Variants in ZFPM1 observed in about 807,000 individuals in gnomAD.
ZFPM1 encodes zinc finger protein, FOG family member 1, also known as zinc finger protein ZFPM1.
A neutral mutation model predicts 46.3 loss-of-function variants in ZFPM1; 28 were observed. The observed-to-expected ratio is 0.60, with a 90% CI of 0.45 to 0.83. The LOEUF is 0.83. Among genes scored for constraint, ZFPM1 ranks in the 40% least tolerant of loss-of-function variants. ZFPM1 has a pLI of 0.00. For synonymous variants in ZFPM1, 957 were observed against 675.9 expected (o/e 1.42, Z -6.45); for missense variants, 1,878 against 1,432.4 (o/e 1.31, Z -5.02).
At chr16:88,496,654 A>G (rs1285121912) in intron 3 of ZFPM1, among the ~76,000 whole-genome samples, 1 of 151,552 alleles carries the variant, frequency 6.6e-6, no homozygotes, top group African/African-American at 2.4e-5. Context: ...GCCACAGGGG[A>G]GAGAAAGCAA....
chr16:88,460,926 GCGGGA>G (rs1297210088), intron 1 of ZFPM1, among the ~76,000 whole-genome samples: 10 of 78,442 alleles, frequency 1.3e-4, no homozygotes, highest in Admixed American at 3.8e-4. Flanking sequence ...GAGGGGCGGG[GCGGGA>G]GGCCTGGTGA....
chr16:88,464,722 C>G (rs1908055652), intron 1 of ZFPM1, among the ~76,000 whole-genome samples: 1 of 152,288 alleles, frequency 6.6e-6, no homozygotes. Context: ...CCTGCACTGT[C>G]TCCTGGTCCG....
chr16:88,460,396 C>T (rs547029780), intron 1 of ZFPM1, among the ~76,000 whole-genome samples: 1 of 152,230 alleles, frequency 6.6e-6, no homozygotes, highest in Admixed American at 6.5e-5. Flanking sequence ...CTTTCTGGGC[C>T]CAGGCAGTGT....
At chr16:88,509,048 C>G (rs1356308294) in intron 3 of ZFPM1, among the ~76,000 whole-genome samples, 2 of 152,132 alleles carry the variant, frequency 1.3e-5, no homozygotes, top group Non-Finnish European at 2.9e-5. Flanking sequence ...CCTGGGGAGC[C>G]GCTCGCCCCT....
At position 88,534,147 on chromosome 16, in the gene ZFPM1, C is replaced by G. The variant is rs1913062689; in HGVS notation, c.2189C>G (p.Pro730Arg). ...PPGPPGPAAP[P>R]APSPAAPVRT... ...GGACCCCCTGGGCCGGCCGCGCCCCCGGCCCCCTCTCCCGCCGCGCCTGTG... is the reference window on the plus strand; with the variant it reads ...GGACCCCCTGGGCCGGCCGCGCCCCGGGCCCCCTCTCCCGCCGCGCCTGTG... The change falls in exon 10 of 10, where the codon CCG becomes CGG. Residue 730 changes from proline (P) to arginine (R), a missense_variant. Coordinates refer to ENST00000319555, the MANE Select transcript of ZFPM1 (RefSeq NM_153813.3). 5.0e-6 allele frequency: 5 copies of G among 1,006,746 alleles called. No homozygotes were observed. Among genetic ancestry groups the G allele is most frequent in the Non-Finnish European group, 4.7e-6 (4 of 847,164 alleles). The allele number at this position is 1,006,746 out of a possible 1,614,324, so 62.4% of individuals were successfully genotyped here. A position where few individuals can be genotyped will look rare whatever the true frequency, so the allele number is the denominator to read the frequency against.
chr16:88,489,062 C>A lies in ZFPM1; in HGVS notation c.177C>A (p.Pro59=), dbSNP rs142959423. The A allele has an allele frequency of 2.2e-4, 361 of 1,613,186 alleles. No homozygotes were observed. The African/African-American group carries it at 4.2e-3, about 19-fold the overall frequency. ...DVNSPPPLPP[P]TSPGGPKELE... ...ACTCACCCCCACCGCTGCCGCCCCCCACATCCCCAGGAGGCCCCAAGGAGC... is the reference window on the plus strand; with the variant it reads ...ACTCACCCCCACCGCTGCCGCCCCCAACATCCCCAGGAGGCCCCAAGGAGC... The change falls in exon 3 of 10, where the codon CCC becomes CCA. Residue 59 remains proline (P), a synonymous_variant. Transcript: ENST00000319555.
intron 4 of ZFPM1, among the ~76,000 whole-genome samples, chr16:88,524,177 C>G (rs933898162): frequency 2.0e-5 from 3 of 152,250 alleles, no homozygotes; most frequent in East Asian, 1.9e-4. Context: ...TCACCCTCCT[C>G]TGCTCATTAA....
chr16:88,457,203 G>C (rs1310841576), intron 1 of ZFPM1, among the ~76,000 whole-genome samples: 1 of 152,232 alleles, frequency 6.6e-6, no homozygotes, highest in African/African-American at 2.4e-5. Context: ...TGGTTTCTGT[G>C]ATGTGTTATG....
In ZFPM1 at chr16:88,465,756, G is replaced by C. The variant is rs77577699; in HGVS notation, c.40+12078G>C. On this transcript the variant is annotated intron_variant, in intron 1 of 9. Coordinates refer to ENST00000319555, the MANE Select transcript of ZFPM1 (RefSeq NM_153813.3). Reference sequence around the variant, plus strand: ...CTGCTGCACCTGACAGCTGCGCCCAGATGGGACTCAGGTGCCATCGCGGCG... The same window carrying C: ...CTGCTGCACCTGACAGCTGCGCCCACATGGGACTCAGGTGCCATCGCGGCG... 4.7e-3 allele frequency among the ~76,000 whole-genome samples: 717 copies of C among 152,350 alleles called. 6 individuals carry two copies. The highest frequency in any genetic ancestry group is 0.016 in the African/African-American group (672 of 41,568).
At chr16:88,502,232 C>T (rs893803341) in intron 3 of ZFPM1, among the ~76,000 whole-genome samples, 1 of 152,062 alleles carries the variant, frequency 6.6e-6, no homozygotes. Context: ...GCCATCGGCT[C>T]GAGGGCTGGT....
intron 4 of ZFPM1, among the ~76,000 whole-genome samples, chr16:88,517,033 C>T (rs578166808): frequency 6.6e-5 from 10 of 152,294 alleles, no homozygotes; most frequent in South Asian, 4.1e-4. Flanking sequence ...TGGGGCAGGT[C>T]GCTTCCCTGA....
Position 88,534,206 on chromosome 16 carries a change from C to T in ZFPM1, c.2248C>T (p.His750Tyr). The T allele has an allele frequency of 1.0e-6, 1 of 983,576 alleles. No individual in the cohort carries two copies. The highest frequency in any genetic ancestry group is 1.8e-5 in the African/African-American group (1 of 56,402). The allele number at this position is 983,576 out of a possible 1,614,324, so 60.9% of individuals were successfully genotyped here. ...TRRRRKLYEL[H>Y]AAGAPPPPPP... Reference sequence around the variant, plus strand: ...CAGACGCCGCAAGCTCTACGAGCTGCACGCGGCCGGCGCCCCGCCCCCCCC... The same window carrying T: ...CAGACGCCGCAAGCTCTACGAGCTGTACGCGGCCGGCGCCCCGCCCCCCCC... The change falls in exon 10 of 10, where the codon CAC (histidine) becomes TAC (tyrosine). Residue 750 changes from histidine to tyrosine, a missense_variant. Physicochemically the swap from His to Tyr is moderately conservative, Grantham distance 83. Transcript: ENST00000319555.
intron 2 of ZFPM1, among the ~76,000 whole-genome samples, chr16:88,487,857 GC>G (rs1342991327): frequency 3.3e-5 from 5 of 152,204 alleles, no homozygotes; most frequent in African/African-American, 1.2e-4. Flanking sequence ...GGACATCCCA[GC>G]CCCAGGACGG....
intron 3 of ZFPM1, among the ~76,000 whole-genome samples, chr16:88,499,908 C>T (rs187761531): frequency 8.9e-4 from 136 of 152,282 alleles, no homozygotes; most frequent in African/African-American, 2.5e-3. Flanking sequence ...AGAGGGTGAG[C>T]GGACAGTGGA....
In ZFPM1 at chr16:88,532,643, C is replaced by T; in HGVS notation, c.976C>T (p.Leu326=). 6.3e-7 allele frequency: 1 copy of T among 1,587,400 alleles called. No homozygotes were observed. Among genetic ancestry groups the T allele is most frequent in the Non-Finnish European group, 8.6e-7 (1 of 1,166,806 alleles). ...GERPFVCLIC[L]SAFTTKANCE... ...GCGGCCCTTCGTGTGCCTGATCTGC[C>T]TGTCGGCCTTCACCACCAAGGCCAA... The change falls in exon 8 of 10, where the codon CTG becomes TTG. Residue 326 remains leucine, a synonymous_variant. Transcript: ENST00000319555.
intron 1 of ZFPM1, among the ~76,000 whole-genome samples, chr16:88,460,885 G>A (rs62048960): frequency 0.023 from 3,440 of 151,826 alleles, 43 homozygotes; most frequent in Middle Eastern, 0.044. Flanking sequence ...GGCAGGCTAA[G>A]GACTGAGGGA....
Position 88,534,390 on chromosome 16 carries a change from C to G in ZFPM1, c.2432C>G (p.Pro811Arg). 6.8e-7 allele frequency: 1 copy of G among 1,465,704 alleles called. No individual in the cohort carries two copies. The highest frequency in any genetic ancestry group is 9.0e-7 in the Non-Finnish European group (1 of 1,114,450). 90.8% of individuals were successfully genotyped at this position (1,465,704 alleles called of 1,614,324 possible). A position where few individuals can be genotyped will look rare whatever the true frequency, so the allele number is the denominator to read the frequency against. The change falls in exon 10 of 10, where the codon CCG (proline) becomes CGG (arginine). Residue 811 changes from proline to arginine, a missense_variant. Physicochemically the swap from Pro to Arg is moderately radical, Grantham distance 103. Coordinates refer to ENST00000319555, the MANE Select transcript of ZFPM1 (RefSeq NM_153813.3). ...PRRPLPGAPA[P>R]ALADYHECTA... Reference sequence around the variant, plus strand: ...CGCCCGCTCCCCGGAGCCCCGGCACCGGCGCTGGCCGACTACCACGAGTGC... The same window carrying G: ...CGCCCGCTCCCCGGAGCCCCGGCACGGGCGCTGGCCGACTACCACGAGTGC...
upstream of ZFPM1, among the ~76,000 whole-genome samples, chr16:88,452,396 C>T (rs569906664): frequency 6.6e-6 from 1 of 152,334 alleles, no homozygotes; most frequent in African/African-American, 2.4e-5. Context: ...GCAACTCCTT[C>T]GTGGGTCTCC....
rs1189148473 is a variant in ZFPM1 at position 88,534,142 on chromosome 16, GC to G, written c.2189del (p.Pro730ArgfsTer68). On this transcript the variant is annotated frameshift_variant, in exon 10 of 10. Transcript: ENST00000319555. LOFTEE classifies it low-confidence loss of function (END_TRUNC). ...APPGPPGPAA[P>X]PAPSPAAPVR... is the part of the protein sequence containing the mutation. ...CCCCGGGACCCCCTGGGCCGGCCGC[GC>G]CCCCGGCCCCCTCTCCCGCCGCGCC... 3.0e-6 allele frequency: 3 copies of G among 998,480 alleles called. No individual in the cohort carries two copies. The highest frequency in any genetic ancestry group is 4.5e-5 in the South Asian group (1 of 22,052). 61.9% of individuals were successfully genotyped at this position (998,480 alleles called of 1,614,324 possible). A position where few individuals can be genotyped will look rare whatever the true frequency, so the allele number is the denominator to read the frequency against.
Sources: allele counts gnomAD v4.1 joint callset (sites outside exome capture counted in the v4.1 genomes callset), GRCh38; gene constraint gnomAD v4.1.1; transcripts MANE v1.5; gene names NCBI Gene and HGNC (gene_info 2026-07-23, HGNC 2026-07-21).